The following TSC2 variants were observed in gnomAD, a reference collection of about 807,000 sequenced individuals.
TSC2 encodes tuberin.
Under a neutral mutation model 202.2 loss-of-function variants are expected in TSC2, and 29 were observed. That is an observed-to-expected ratio of 0.14 (90% CI 0.11 to 0.20). The LOEUF (loss-of-function observed/expected upper bound fraction) is 0.20. Among genes scored for constraint, TSC2 ranks in the 10% least tolerant of loss-of-function variants. TSC2 has a pLI of 1.00. For synonymous variants in TSC2, 1,349 were observed against 1,044.0 expected (o/e 1.29, Z -5.63); for missense variants, 2,429 against 2,420.0 (o/e 1.00, Z -0.08).
At chr16:2,084,838 C>T (rs1208797823) in intron 34 of TSC2, 113 bp from the exon 35 acceptor site, 3 of 1,599,746 alleles carry the variant, frequency 1.9e-6, no homozygotes, top group East Asian at 4.5e-5. Flanking sequence ...CTGGCTGGAA[C>T]CCCTGGGAGG....
At chr16:2,076,438 G>A (rs1486897615) in intron 24 of TSC2, 53 bp from the exon 25 acceptor site, 1 of 1,608,528 alleles carries the variant, frequency 6.2e-7, no homozygotes, top group East Asian at 2.2e-5. Flanking sequence ...CCTGGTGAGG[G>A]CCTCCAGCCC....
In TSC2 at chr16:2,065,608, C is replaced by T. The variant is rs779858018; in HGVS notation, c.1689C>T (p.Ala563=). The change falls in exon 16 of 42, where the codon GCC becomes GCT. Residue 563 remains alanine (A), a synonymous_variant. Transcript: ENST00000219476. ...YSASLEDVKT[A]VLGLLVILQT... ...CCTCCTTGGAGGATGTGAAGACAGC[C>T]GTCCTGGGGCTTCTGGTCATCCTTC... The T allele has an allele frequency of 3.4e-5, 55 of 1,613,608 alleles. No homozygotes were observed. Among genetic ancestry groups the T allele is most frequent in the African/African-American group, 4.0e-5 (3 of 74,882 alleles).
intron 11 of TSC2, 29 bp from the exon 12 acceptor site, chr16:2,061,842 A>G (rs2086674197): frequency 6.2e-7 from 1 of 1,613,982 alleles, no homozygotes; most frequent in Non-Finnish European, 8.5e-7. Flanking sequence ...AGTGGAAGTC[A>G]GCCTGTGTCA....
At chr16:2,065,700 T>G in intron 16 of TSC2, 65 bp downstream of exon 16, 2 of 1,405,770 alleles carry the variant, frequency 1.4e-6, no homozygotes, top group Non-Finnish European at 2.0e-6. Context: ...CAGCTGCATC[T>G]GCGTTGTGTT....
In TSC2 at chr16:2,076,366, CTGGG is replaced by C. The variant is rs1250986335; in HGVS notation, c.2743-122_2743-119del. On this transcript the variant is annotated intron_variant, in intron 24 of 41. Transcript: ENST00000219476. ...CGCGGCAGGCATTGAGGGGTGGGAG[CTGGG>C]TGCCGCCGCCTTGCCCCTAGCCTGC... 3.8e-6 allele frequency: 6 copies of C among 1,574,758 alleles called. No homozygotes were observed. In the African/African-American group the frequency reaches 8.1e-5, roughly 21 times the overall value.
At position 2,088,797 on chromosome 16, in the gene TSC2, A is replaced by C. The variant is rs1162196107; in HGVS notation, c.*187A>C. 1 of 789,510 alleles carries C rather than the reference A, an allele frequency of 1.3e-6. No individual in the cohort carries two copies. Among genetic ancestry groups the C allele is most frequent in the South Asian group, 1.8e-5 (1 of 55,204 alleles). The allele number at this position is 789,510 out of a possible 1,614,324, so 48.9% of individuals were successfully genotyped here. A position where few individuals can be genotyped will look rare whatever the true frequency, so the allele number is the denominator to read the frequency against. Reference sequence around the variant, plus strand: ...GCTCTAGAAGCGGCCATGCCCACAGAAGTGGTACACAGAAGCAGGCACAGC... The same window carrying C: ...GCTCTAGAAGCGGCCATGCCCACAGCAGTGGTACACAGAAGCAGGCACAGC... On this transcript the variant is annotated 3_prime_UTR_variant, in exon 42 of 42. Transcript: ENST00000219476.
rs981386020 is a variant in TSC2, at chr16:2,054,776, C to T, written c.481+336C>T. The T allele has an allele frequency of 1.2e-5, 5 of 425,444 alleles. No individual in the cohort carries two copies. In the Admixed American group the frequency reaches 1.8e-4, roughly 15 times the overall value. The allele number at this position is 425,444 out of a possible 1,614,324, so 26.4% of individuals were successfully genotyped here. A position where few individuals can be genotyped will look rare whatever the true frequency, so the allele number is the denominator to read the frequency against. ...TGGTCTCAACCGGAGCGTACTGGTC[C>T]CGTCTTCCTCCTCCTTTCTCCACTT... On this transcript the variant is annotated intron_variant, in intron 5 of 41. Transcript: ENST00000219476.
chr16:2,055,923 C>G, intron 6 of TSC2: 1 of 542,672 alleles, frequency 1.8e-6, no homozygotes, highest in Non-Finnish European at 3.3e-6. Context: ...AAGTACGTAG[C>G]TATCTTCTGT....
At chr16:2,074,042 G>T (rs757234449) in intron 21 of TSC2, among the ~76,000 whole-genome samples, 158 bp from the exon 22 acceptor site, 1 of 152,262 alleles carries the variant, frequency 6.6e-6, no homozygotes, top group Non-Finnish European at 1.5e-5. Flanking sequence ...TGCAGAGTCT[G>T]CTCGGGTAGC....
chr16:2,048,838 AC>A, intron 2 of TSC2, 85 bp downstream of exon 2: 11 of 1,593,468 alleles, frequency 6.9e-6, no homozygotes, highest in South Asian at 1.1e-5. Context: ...TCTGTGGGAG[AC>A]GGGTTGCTGG....
intron 16 of TSC2, among the ~76,000 whole-genome samples, 178 bp from the exon 17 acceptor site, chr16:2,070,278 G>A (rs922714600): frequency 1.5e-4 from 23 of 152,164 alleles, no homozygotes; most frequent in African/African-American, 5.3e-4. Flanking sequence ...CACGAGGTTG[G>A]GTTTTACTTT....
intron 26 of TSC2, chr16:2,078,517 A>C: frequency 4.7e-6 from 1 of 212,654 alleles, no homozygotes; most frequent in Non-Finnish European, 9.6e-6. Flanking sequence ...AATATTGCCT[A>C]GGGGCTATGA....
At chr16:2,085,199 T>TG (rs1567528109) in intron 35 of TSC2, 31 bp from the exon 36 acceptor site, 2 of 1,612,348 alleles carry the variant, frequency 1.2e-6, no homozygotes, top group Non-Finnish European at 8.5e-7. Flanking sequence ...GACGGGCGTC[T>TG]GGGGCTCAGG....
chr16:2,075,336 C>T (rs528269289), intron 22 of TSC2: 11 of 182,684 alleles, frequency 6.0e-5, no homozygotes, highest in East Asian at 5.6e-4. Context: ...GACCATCTGG[C>T]GAACACGGTG....
intron 33 of TSC2, 52 bp from the exon 34 acceptor site, chr16:2,084,176 G>A (rs2090472208): frequency 1.9e-6 from 3 of 1,550,940 alleles, no homozygotes; most frequent in Admixed American, 2.0e-5. Flanking sequence ...AACCCCAGGT[G>A]GGCTCGAGGG....
intron 19 of TSC2, 83 bp from the exon 20 acceptor site, chr16:2,072,158 A>T: frequency 1.2e-6 from 2 of 1,604,560 alleles, no homozygotes; most frequent in Non-Finnish European, 1.7e-6. Context: ...CTGTGCAGCC[A>T]CAAAGCAGAG....
chr16:2,087,595 C>A (rs1245785255), intron 38 of TSC2, among the ~76,000 whole-genome samples: 1 of 152,078 alleles, frequency 6.6e-6, no homozygotes, highest in Non-Finnish European at 1.5e-5. Flanking sequence ...GCTGCAGACA[C>A]CCTGGGGGCC....
Position 2,080,351 on chromosome 16 carries a change from C to T in TSC2, c.3584C>T (p.Ala1195Val), listed in dbSNP as rs773951533. 2.7e-5 allele frequency: 43 copies of T among 1,612,122 alleles called. No homozygotes were observed. The highest frequency in any genetic ancestry group is 3.2e-5 in the Non-Finnish European group (38 of 1,179,968). The change falls in exon 30 of 42, where the codon GCG (alanine) becomes GTG (valine). Residue 1195 changes from alanine (A) to valine (V), a missense_variant. Physicochemically the swap from Ala to Val is moderately conservative, Grantham distance 64. Transcript: ENST00000219476. Reference sequence around the variant, plus strand: ...GTGCCCCTGCTGACCCAGGGCTGGGCGGAGATCCTGGTCCGGAGGCCCACA... The same window carrying T: ...GTGCCCCTGCTGACCCAGGGCTGGGTGGAGATCCTGGTCCGGAGGCCCACA... ...AYVPLLTQGW[A>V]EILVRRPTGN...
chr16:2,048,191 G>C, intron 1 of TSC2, 126 bp downstream of exon 1: 1 of 1,534,114 alleles, frequency 6.5e-7, no homozygotes, highest in Non-Finnish European at 8.8e-7. Flanking sequence ...CCGGAGCTCC[G>C]AGCATCCCTT....
Sources: allele counts gnomAD v4.1 joint callset (sites outside exome capture counted in the v4.1 genomes callset), GRCh38; gene constraint gnomAD v4.1.1; transcripts MANE v1.5; gene names NCBI Gene and HGNC (gene_info 2026-07-23, HGNC 2026-07-21).